Variants in DPRX observed in about 807,000 individuals in gnomAD.
The protein encoded by DPRX is divergent paired-related homeobox.
Under a neutral mutation model 8.4 loss-of-function variants are expected in DPRX, and 11 were observed. The ratio of observed to expected loss-of-function variants is 1.31; its 90% confidence interval spans 0.82 to 2.17. DPRX has a LOEUF of 2.17. Among genes scored for constraint, DPRX ranks in the 30% most tolerant of loss-of-function variants. The pLI is 0.00. For synonymous variants in DPRX, 72 were observed against 87.0 expected, an observed-to-expected ratio of 0.83 and a Z score of 0.96; for missense variants, 211 against 236.7, an observed-to-expected ratio of 0.89 and a Z score of 0.71.
the DPRX span, among the ~76,000 whole-genome samples, chr19:53,604,005 C>T: frequency 6.6e-6 from 1 of 152,004 alleles, no homozygotes; most frequent in African/African-American, 2.4e-5. Context: ...CTCGGCCTCC[C>T]AAAGTTCTGG....
At chr19:53,617,311 C>T in the DPRX span, 1 of 639,986 alleles carries the variant, frequency 1.6e-6, no homozygotes, top group Non-Finnish European at 2.9e-6. Flanking sequence ...GTAATCCCAG[C>T]ACTTTGGGAG....
chr19:53,614,108 G>A, the DPRX span, among the ~76,000 whole-genome samples: 1 of 151,758 alleles, frequency 6.6e-6, no homozygotes, highest in Non-Finnish European at 1.5e-5. Context: ...ACACCACCAC[G>A]CCCTGCTAAT....
chr19:53,618,158 A>G, the DPRX span, among the ~76,000 whole-genome samples: 18 of 151,614 alleles, frequency 1.2e-4, 1 homozygote, highest in Admixed American at 5.3e-4. Context: ...AAAAAAAAGA[A>G]AGAAAGAAAG....
the DPRX span, among the ~76,000 whole-genome samples, chr19:53,609,632 G>A: frequency 2.6e-5 from 4 of 151,924 alleles, no homozygotes; most frequent in South Asian, 2.1e-4. Context: ...TTGAAAGGCC[G>A]AAGTGGGCAG....
intron 1 of DPRX, among the ~76,000 whole-genome samples, chr19:53,633,871 T>C (rs924603523): frequency 2.2e-4 from 33 of 151,180 alleles, no homozygotes; most frequent in African/African-American, 8.0e-4. Flanking sequence ...CTCAAACTCA[T>C]GACCTGATAT....
exon 2 of DPRX, chr19:53,634,580 G>A (rs1272259564): frequency 6.2e-7 from 1 of 1,613,824 alleles, no homozygotes; most frequent in African/African-American, 1.3e-5. Flanking sequence ...TCACTAAGAA[G>A]CAACTGGAAG....
At chr19:53,633,715 A>G (rs753785892) in intron 1 of DPRX, among the ~76,000 whole-genome samples, 6 of 152,022 alleles carry the variant, frequency 3.9e-5, no homozygotes, top group South Asian at 2.1e-4. Context: ...TCACCATGTT[A>G]GCCAGAATGG....
At chr19:53,632,229 CTGGT>C in intron 1 of DPRX, 95 bp downstream of exon 1, 1 of 1,568,754 alleles carries the variant, frequency 6.4e-7, no homozygotes, top group Non-Finnish European at 8.8e-7. Flanking sequence ...GCGGCCGAAG[CTGGT>C]GCTTCGTCCA....
At chr19:53,623,335 A>AAATAAATAAATC in the DPRX span, among the ~76,000 whole-genome samples, 1 of 148,294 alleles carries the variant, frequency 6.7e-6, no homozygotes, top group African/African-American at 2.5e-5. Context: ...ATAAATAAAT[A>AAATAAATAAATC]AATAAATAAA....
At chr19:53,617,604 G>A in the DPRX span, among the ~76,000 whole-genome samples, 1 of 150,270 alleles carries the variant, frequency 6.7e-6, no homozygotes, top group African/African-American at 2.4e-5. Context: ...AGTGCATACT[G>A]GATTTGCTCC....
the DPRX span, among the ~76,000 whole-genome samples, chr19:53,603,035 G>GTA: frequency 0.14 from 21,393 of 150,144 alleles, 1,677 homozygotes; most frequent in Middle Eastern, 0.21. Context: ...GTGTGTGTGT[G>GTA]TGTATATATA....
At chr19:53,601,480 A>ATT in the DPRX span, 1 of 326,394 alleles carries the variant, frequency 3.1e-6, no homozygotes, top group South Asian at 2.4e-5. Context: ...TTCAATGCCT[A>ATT]TTCTTTTTTT....
At chr19:53,611,470 T>C in the DPRX span, among the ~76,000 whole-genome samples, 1 of 152,022 alleles carries the variant, frequency 6.6e-6, no homozygotes. Flanking sequence ...TGGGCTGAAG[T>C]GATCCACCCG....
intron 1 of DPRX, among the ~76,000 whole-genome samples, chr19:53,632,921 C>T (rs1322316584): frequency 6.6e-6 from 1 of 152,164 alleles, no homozygotes; most frequent in African/African-American, 2.4e-5. Context: ...TAGGCTTAGC[C>T]AAGCTGGAAA....
the DPRX span, among the ~76,000 whole-genome samples, chr19:53,624,767 G>T: frequency 1.3e-5 from 2 of 150,244 alleles, no homozygotes; most frequent in Non-Finnish European, 3.0e-5. Context: ...GCTTGAACCC[G>T]GGAGACGGGC....
At chr19:53,634,764 G>A in intron 2 of DPRX, 79 bp downstream of exon 2, 1 of 1,522,420 alleles carries the variant, frequency 6.6e-7, no homozygotes, top group Non-Finnish European at 8.8e-7. Context: ...GATAATTCCT[G>A]AGGTCTCATT....
the DPRX span, among the ~76,000 whole-genome samples, chr19:53,619,629 C>A: frequency 6.6e-6 from 1 of 150,578 alleles, no homozygotes; most frequent in East Asian, 1.9e-4. Flanking sequence ...GAGCCGAGAT[C>A]GTGCCATTGC....
the DPRX span, chr19:53,602,267 G>GGTGTGTGTGTGTGT: frequency 8.3e-5 from 23 of 277,388 alleles, no homozygotes; most frequent in Admixed American, 2.6e-4. Context: ...TATGGGTATG[G>GGTGTGTGTGTGTGT]GTGTGTGTGT....
At chr19:53,602,973 TTA>T in the DPRX span, among the ~76,000 whole-genome samples, 1 of 151,506 alleles carries the variant, frequency 6.6e-6, no homozygotes. Flanking sequence ...ACTTTTAATT[TTA>T]TATATATATA....
Sources: allele counts gnomAD v4.1 joint callset (sites outside exome capture counted in the v4.1 genomes callset), GRCh38; gene constraint gnomAD v4.1.1; transcripts MANE v1.5; gene names NCBI Gene and HGNC (gene_info 2026-07-23, HGNC 2026-07-21).